The following CDC26 variants were observed in gnomAD, a reference collection of about 807,000 sequenced individuals.
CDC26 encodes anaphase-promoting complex subunit CDC26.
Under a neutral mutation model 8.0 loss-of-function variants are expected in CDC26, and 2 were observed. The observed-to-expected ratio is 0.25, with a 90% CI of 0.10 to 0.79. CDC26 has a LOEUF of 0.79. Ranked by LOEUF, CDC26 falls within the 30% of genes least tolerant of loss-of-function variation. The pLI, the probability that CDC26 is intolerant of heterozygous loss-of-function variation, is 0.70. For synonymous variants in CDC26, 19 were observed against 34.9 expected, an observed-to-expected ratio of 0.55 and a Z score of 1.60; for missense variants, 68 against 106.0, an observed-to-expected ratio of 0.64 and a Z score of 1.57.
rs768026146 is a variant in CDC26, at chr9:113,272,391, A to G, written c.81+36T>C. 3 of 1,477,512 alleles carry G rather than the reference A, an allele frequency of 2.0e-6. No individual in the cohort carries two copies. The African/African-American group carries it at 4.2e-5, about 20-fold the overall frequency. The allele number at this position is 1,477,512 out of a possible 1,614,324, so 91.5% of individuals were successfully genotyped here. On this transcript the variant is annotated intron_variant, in intron 3 of 3. Transcript: ENST00000374206. The stretch of plus-strand genomic sequence containing the variant: ...ACTCCAGCCTGTGTGACAGAGCGAG[A>G]CTCCATCTCAAAAAAACACAAAGTT...
chr9:113,273,332 T>C lies in CDC26; in HGVS notation c.-45A>G, dbSNP rs1831989130. On this transcript the variant is annotated 5_prime_UTR_variant, in exon 2 of 4. Coordinates refer to ENST00000374206, the MANE Select transcript of CDC26 (RefSeq NM_139286.4). ...TCTCAGGAAAACTCCAACTCACCAA[T>C]TCACAGGATTATCCTCCGCGTCCAA... is the stretch of plus-strand genomic sequence containing the variant. 1 of 152,234 alleles carries C rather than the reference T, an allele frequency of 6.6e-6. No individual in the cohort carries two copies. The highest frequency in any genetic ancestry group is 2.4e-5 in the African/African-American group (1 of 41,462). The allele number at this position is 152,234 out of a possible 1,614,324, so 9.4% of individuals were successfully genotyped here.
chr9:113,268,628 G>T (rs1442967344), intron 3 of CDC26, among the ~76,000 whole-genome samples: 1 of 152,244 alleles, frequency 6.6e-6, no homozygotes, highest in African/African-American at 2.4e-5. Flanking sequence ...TAAATGCCAA[G>T]CATCAGGCTG....
intron 1 of CDC26, among the ~76,000 whole-genome samples, chr9:113,274,914 A>G (rs1248384011): frequency 6.6e-6 from 1 of 152,184 alleles, no homozygotes; most frequent in Non-Finnish European, 1.5e-5. Flanking sequence ...TGTGGGGATA[A>G]AAACCTTATC....
intron 3 of CDC26, among the ~76,000 whole-genome samples, 197 bp downstream of exon 3, chr9:113,272,230 C>T (rs558354382): frequency 6.6e-6 from 1 of 152,130 alleles, no homozygotes; most frequent in Non-Finnish European, 1.5e-5. Context: ...TAGCCTGGCC[C>T]CAACATGGCA....
chr9:113,273,013 T>C (rs1173181136), intron 2 of CDC26, among the ~76,000 whole-genome samples: 1 of 152,226 alleles, frequency 6.6e-6, no homozygotes, highest in Non-Finnish European at 1.5e-5. Context: ...TCTTTAGGTA[T>C]GTGATTATTA....
intron 2 of CDC26, among the ~76,000 whole-genome samples, chr9:113,272,752 C>CA (rs1455512654): frequency 1.3e-5 from 2 of 150,090 alleles, no homozygotes; most frequent in African/African-American, 2.5e-5. Context: ...AGTGCAGTGG[C>CA]ATGACCTTAG....
chr9:113,270,819 G>A (rs1831944067), intron 3 of CDC26, among the ~76,000 whole-genome samples: 1 of 152,184 alleles, frequency 6.6e-6, no homozygotes, highest in African/African-American at 2.4e-5. Context: ...AATCTTGTAG[G>A]CCATGGTGAA....
Position 113,267,387 on chromosome 9 carries a change from T to C in CDC26, c.134A>G (p.Glu45Gly), listed in dbSNP as rs369304209. 3 of 1,597,650 alleles carry C rather than the reference T, an allele frequency of 1.9e-6. No homozygotes were observed. In the African/African-American group the frequency reaches 4.1e-5, roughly 22 times the overall value. The change falls in exon 4 of 4, where the codon GAA (glutamate) becomes GGA (glycine). Residue 45 changes from glutamate to glycine, a missense_variant. By Grantham distance (98) the Glu-to-Gly change is moderately conservative. Coordinates refer to ENST00000374206, the MANE Select transcript of CDC26 (RefSeq NM_139286.4). ...ATCACTGCTAAGCCCAATGGCTCCT[T>C]CTCCATCACTGCCTCCTACAACTTC... ...DVEVVGGSDG[E>G]GAIGLSSDPK...
At chr9:113,271,198 G>C (rs1415776643) in intron 3 of CDC26, among the ~76,000 whole-genome samples, 2 of 152,198 alleles carry the variant, frequency 1.3e-5, no homozygotes, top group African/African-American at 4.8e-5. Context: ...CACTGGGGAA[G>C]AATGGAAGGG....
intron 3 of CDC26, among the ~76,000 whole-genome samples, chr9:113,268,816 G>A (rs780975425): frequency 2.3e-4 from 35 of 151,944 alleles, no homozygotes; most frequent in Non-Finnish European, 4.7e-4. Flanking sequence ...GTGTAGTGGC[G>A]CCATCTTGGC....
intron 3 of CDC26, among the ~76,000 whole-genome samples, chr9:113,271,026 A>C (rs1304341412): frequency 1.3e-5 from 2 of 152,218 alleles, no homozygotes; most frequent in Non-Finnish European, 2.9e-5. Context: ...CAGGACTGTA[A>C]CAGTGGAGAT....
intron 3 of CDC26, 57 bp downstream of exon 3, chr9:113,272,370 C>T: frequency 7.4e-7 from 1 of 1,344,858 alleles, no homozygotes; most frequent in Non-Finnish European, 1.1e-6. Flanking sequence ...CACTGTACTC[C>T]AGCCTGTGTG....
chr9:113,275,428 C>G lies in CDC26; in HGVS notation c.-198G>C, dbSNP rs373384413. ...CCCTTCCCGGAACCTCGGCTCCCCC[C>G]CAACGAAACTACTGCTAAGCCAACT... On this transcript the variant is annotated 5_prime_UTR_variant, in exon 1 of 4. Transcript: ENST00000374206. 1.5e-4 allele frequency: 51 copies of G among 334,298 alleles called. No individual in the cohort carries two copies. The highest frequency in any genetic ancestry group is 1.9e-4 in the East Asian group (4 of 20,576). 20.7% of individuals were successfully genotyped at this position (334,298 alleles called of 1,614,324 possible). A position where few individuals can be genotyped will look rare whatever the true frequency, so the allele number is the denominator to read the frequency against.
chr9:113,273,111 G>C (rs1831985987), intron 2 of CDC26, among the ~76,000 whole-genome samples: 1 of 152,200 alleles, frequency 6.6e-6, no homozygotes, highest in Admixed American at 6.5e-5. Context: ...GCCTATAAGA[G>C]AGAAATTCTA....
intron 1 of CDC26, among the ~76,000 whole-genome samples, chr9:113,274,388 T>C (rs1741900988): frequency 6.6e-6 from 1 of 152,174 alleles, no homozygotes; most frequent in Non-Finnish European, 1.5e-5. Context: ...CAGGTGATAT[T>C]ATCAACACAA....
chr9:113,267,547 T>G (rs1286538650), intron 3 of CDC26, 108 bp from the exon 4 acceptor site: 3 of 1,355,626 alleles, frequency 2.2e-6, no homozygotes, highest in Non-Finnish European at 2.0e-6. Flanking sequence ...AGAGTTAGGG[T>G]GTAAAGAACA....
At position 113,272,349 on chromosome 9, in the gene CDC26, C is replaced by CA. The variant is rs1831972011; in HGVS notation, c.81+77dup. ...AGAGGAGGCAGAGGTTGCAGTGGGCCAAGATCATGCCACTGTACTCCAGCC... is the reference window on the plus strand; with the variant it reads ...AGAGGAGGCAGAGGTTGCAGTGGGCCAAAGATCATGCCACTGTACTCCAGCC... On this transcript the variant is annotated intron_variant, in intron 3 of 3. Coordinates refer to ENST00000374206, the MANE Select transcript of CDC26 (RefSeq NM_139286.4). The CA allele has an allele frequency of 6.1e-6, 7 of 1,143,712 alleles. No individual in the cohort carries two copies. The Admixed American group carries it at 1.2e-4, about 20-fold the overall frequency. The allele number at this position is 1,143,712 out of a possible 1,614,324, so 70.8% of individuals were successfully genotyped here. A position where few individuals can be genotyped will look rare whatever the true frequency, so the allele number is the denominator to read the frequency against.
chr9:113,272,277 G>A (rs752495141), intron 3 of CDC26, 150 bp downstream of exon 3: 40 of 618,794 alleles, frequency 6.5e-5, no homozygotes, highest in African/African-American at 1.1e-4. Flanking sequence ...AAATGAGCTG[G>A]GCGTGCTGGC....
chr9:113,273,266 G>C (rs1350702124), intron 2 of CDC26, 63 bp downstream of exon 2: 1 of 152,202 alleles, frequency 6.6e-6, no homozygotes, highest in Admixed American at 6.5e-5. Context: ...AATTGTCAGA[G>C]ATTTGTGATC....
Sources: allele counts gnomAD v4.1 joint callset (sites outside exome capture counted in the v4.1 genomes callset), GRCh38; gene constraint gnomAD v4.1.1; transcripts MANE v1.5; gene names NCBI Gene and HGNC (gene_info 2026-07-23, HGNC 2026-07-21).